The following COG4 variants were observed in gnomAD, a reference collection of about 807,000 sequenced individuals.
COG4 encodes the protein component of oligomeric golgi complex 4.
A neutral mutation model predicts 95.1 loss-of-function variants in COG4; 65 were observed. The observed-to-expected ratio is 0.68, with a 90% CI of 0.56 to 0.84. COG4 has a LOEUF of 0.84. Among genes scored for constraint, COG4 ranks in the 40% least tolerant of loss-of-function variants. The probability of loss-of-function intolerance (pLI) is 0.00; values close to 1 mark genes in which losing one functional copy is unlikely to be tolerated. For synonymous variants in COG4, 421 were observed against 374.8 expected (o/e 1.12, Z -1.42); for missense variants, 1,045 against 989.1 (o/e 1.06, Z -0.76).
rs746254288 is a variant in COG4 at position 70,496,365 on chromosome 16, C to G, written c.1548G>C (p.Gly516=). Residue 516 remains glycine (G), a synonymous_variant, in exon 12 of 19, where the codon GGG becomes GGC. Coordinates refer to ENST00000323786, the MANE Select transcript of COG4 (RefSeq NM_015386.3). ...GCATGATGTTCACGGCACTTGTCACCCCGCGCTGGATGTCCTGGAAGGTGG... is the reference window on the plus strand; with the variant it reads ...GCATGATGTTCACGGCACTTGTCACGCCGCGCTGGATGTCCTGGAAGGTGG... The part of the protein sequence containing the change: ...PATTFQDIQR[G]VTSAVNIMHS... 3.7e-6 allele frequency: 6 copies of G among 1,614,176 alleles called. No individual in the cohort carries two copies. The highest frequency in any genetic ancestry group is 3.3e-5 in the South Asian group (3 of 91,078).
At chr16:70,522,111 C>G (rs1263756440) in intron 1 of COG4, among the ~76,000 whole-genome samples, 1 of 151,710 alleles carries the variant, frequency 6.6e-6, no homozygotes, top group Non-Finnish European at 1.5e-5. Context: ...AATTCTCCTG[C>G]CTCAGCCTCC....
chr16:70,521,725 A>T (rs1418576832), intron 1 of COG4, among the ~76,000 whole-genome samples: 1 of 143,644 alleles, frequency 7.0e-6, no homozygotes, highest in East Asian at 2.0e-4. Context: ...TTTTTGAGAC[A>T]GAGTCTCACT....
chr16:70,490,817 G>A (rs948629392), intron 12 of COG4, among the ~76,000 whole-genome samples: 28 of 152,078 alleles, frequency 1.8e-4, no homozygotes, highest in African/African-American at 6.3e-4. Context: ...CCGCCACTAC[G>A]CCAGGCTAAT....
intron 9 of COG4, among the ~76,000 whole-genome samples, chr16:70,500,651 G>A (rs757522247): frequency 6.6e-6 from 1 of 152,014 alleles, no homozygotes; most frequent in South Asian, 2.1e-4. Context: ...GTGAGCCACC[G>A]TACCTGGCCT....
chr16:70,519,838 T>G (rs1049939850), intron 1 of COG4, 107 bp from the exon 2 acceptor site: 2 of 834,338 alleles, frequency 2.4e-6, no homozygotes, highest in Non-Finnish European at 4.0e-6. Context: ...CAAGTCCTTT[T>G]TTCCTTCCAC....
At chr16:70,482,870 C>T (rs1020411413) in intron 14 of COG4, 49 bp from the exon 15 acceptor site, 5 of 1,402,086 alleles carry the variant, frequency 3.6e-6, no homozygotes, top group Non-Finnish European at 4.0e-6. Flanking sequence ...CACGACTCAT[C>T]CCTTCCCTCT....
chr16:70,504,942 G>A (rs952091500), intron 8 of COG4, among the ~76,000 whole-genome samples: 1 of 151,108 alleles, frequency 6.6e-6, no homozygotes, highest in Non-Finnish European at 1.5e-5. Context: ...TCAAAATGCC[G>A]TTAGTGCAGA....
chr16:70,523,313 G>T (rs1243445526), intron 1 of COG4, 60 bp downstream of exon 1: 6 of 1,596,904 alleles, frequency 3.8e-6, no homozygotes, highest in South Asian at 3.3e-5. Context: ...CGGATTTCCC[G>T]ACTGAAGGCT....
Position 70,512,296 on chromosome 16 carries a change from T to C in COG4, c.681A>G (p.Pro227=), listed in dbSNP as rs1304800296. The C allele has an allele frequency of 2.5e-6, 4 of 1,614,076 alleles. No homozygotes were observed. The highest frequency in any genetic ancestry group is 4.5e-5 in the East Asian group (2 of 44,872). ...PQVERFFKIF[P]LLGLHEEGLR... is the part of the protein sequence containing the mutation. Reference sequence around the variant, plus strand: ...ATCCCTCCTCATGCAAACCCAGCAGTGGGAAGATCTTGAAGAAGCGCTCCA... The same window carrying C: ...ATCCCTCCTCATGCAAACCCAGCAGCGGGAAGATCTTGAAGAAGCGCTCCA... The change falls in exon 5 of 19, where the codon CCA becomes CCG. Residue 227 remains proline, a synonymous_variant. Transcript: ENST00000323786.
chr16:70,490,948 T>C (rs2049231877), intron 12 of COG4, among the ~76,000 whole-genome samples: 1 of 151,756 alleles, frequency 6.6e-6, no homozygotes, highest in Non-Finnish European at 1.5e-5. Flanking sequence ...CGTGAGCCAC[T>C]GCGCCCGGCG....
chr16:70,493,259 C>G (rs1387059659), intron 12 of COG4, among the ~76,000 whole-genome samples: 1 of 152,030 alleles, frequency 6.6e-6, no homozygotes, highest in Admixed American at 6.6e-5. Context: ...ATGGATCTAG[C>G]CTGTTTTCTT....
At position 70,523,518 on chromosome 16, in the gene COG4, T is replaced by A; in HGVS notation, c.26A>T (p.Asp9Val). The change falls in exon 1 of 19, where the codon GAT (aspartate) becomes GTT (valine). Residue 9 changes from aspartate (D) to valine (V), a missense_variant. Transcript: ENST00000323786. Reference sequence around the variant, plus strand: ...CACCCCTGACAGCTTCGGAGGCGAATCAAGGTCCGCCATCTTGGTCCCCAT... The same window carrying A: ...CACCCCTGACAGCTTCGGAGGCGAAACAAGGTCCGCCATCTTGGTCCCCAT... The part of the protein sequence containing the change: MGTKMADL[D>V]SPPKLSGVQQ... 1 of 1,613,960 alleles carries A rather than the reference T, an allele frequency of 6.2e-7. No individual in the cohort carries two copies. Among genetic ancestry groups the A allele is most frequent in the South Asian group, 1.1e-5 (1 of 91,088 alleles).
chr16:70,496,366 C>T lies in COG4; in HGVS notation c.1547G>A (p.Gly516Glu), dbSNP rs2049339426. The change falls in exon 12 of 19, where the codon GGG (glycine) becomes GAG (glutamate). Residue 516 changes from glycine (G) to glutamate (E), a missense_variant. Coordinates refer to ENST00000323786, the MANE Select transcript of COG4 (RefSeq NM_015386.3). Reference protein sequence around the residue: ...PATTFQDIQRGVTSAVNIMHS... With the variant: ...PATTFQDIQREVTSAVNIMHS... The stretch of plus-strand genomic sequence containing the variant: ...CATGATGTTCACGGCACTTGTCACC[C>T]CGCGCTGGATGTCCTGGAAGGTGGT... The T allele has an allele frequency of 1.2e-6, 2 of 1,614,064 alleles. No homozygotes were observed. The highest frequency in any genetic ancestry group is 1.3e-5 in the African/African-American group (1 of 74,920).
rs890460305 is a variant in COG4, at chr16:70,508,391, G to C, written c.1061+15C>G. 6.2e-7 allele frequency: 1 copy of C among 1,610,024 alleles called. No individual in the cohort carries two copies. The highest frequency in any genetic ancestry group is 8.5e-7 in the Non-Finnish European group (1 of 1,176,440). On this transcript the variant is annotated intron_variant, in intron 8 of 18. Coordinates refer to ENST00000323786, the MANE Select transcript of COG4 (RefSeq NM_015386.3). The stretch of plus-strand genomic sequence containing the variant: ...TCAAACTCCTGTGGGCTGAAGAAGA[G>C]AGAAGGATTATTACCTTGGTTCGAT...
chr16:70,510,976 G>A (rs1044953560), intron 5 of COG4, among the ~76,000 whole-genome samples: 15 of 151,928 alleles, frequency 9.9e-5, no homozygotes, highest in Non-Finnish European at 2.2e-4. Context: ...TGTTGGCCAG[G>A]CTGGTCCTGA....
In COG4 at chr16:70,493,652, G is replaced by A. The variant is rs572821690; in HGVS notation, c.1647+2614C>T. ...GAGTCAGTTCACAGACACGTGCAGG[G>A]AAGTGGCAGGAGGTAGAGCTGCGAG... is the stretch of plus-strand genomic sequence containing the variant. On this transcript the variant is annotated intron_variant, in intron 12 of 18. Transcript: ENST00000323786. 5.3e-5 allele frequency among the ~76,000 whole-genome samples: 8 copies of A among 152,336 alleles called. No individual in the cohort carries two copies. The East Asian group carries it at 1.2e-3, about 22-fold the overall frequency.
intron 1 of COG4, among the ~76,000 whole-genome samples, chr16:70,522,412 C>G (rs1265682252): frequency 6.6e-6 from 1 of 152,194 alleles, no homozygotes; most frequent in Admixed American, 6.5e-5. Context: ...TGCAGCACAA[C>G]AGCACTCCAG....
In COG4 at chr16:70,490,224, C is replaced by G. The variant is rs2049216257; in HGVS notation, c.1710+106G>C. 6.4e-6 allele frequency: 6 copies of G among 941,574 alleles called. No individual in the cohort carries two copies. In the South Asian group the frequency reaches 7.8e-5, roughly 12 times the overall value. 58.3% of individuals were successfully genotyped at this position (941,574 alleles called of 1,614,324 possible). A position where few individuals can be genotyped will look rare whatever the true frequency, so the allele number is the denominator to read the frequency against. ...CACCAAAGAATCCCCTCAAGTGTGG[C>G]TCAATGTCACCAAGATAAGTGTCTT... On this transcript the variant is annotated intron_variant, in intron 13 of 18. Coordinates refer to ENST00000323786, the MANE Select transcript of COG4 (RefSeq NM_015386.3).
At chr16:70,521,999 CT>C (rs772349524) in intron 1 of COG4, among the ~76,000 whole-genome samples, 509 of 137,744 alleles carry the variant, frequency 3.7e-3, no homozygotes, top group Middle Eastern at 3.7e-3. Flanking sequence ...CCGCGCCAGG[CT>C]TTTTTTTTTT....
Sources: gnomAD v4.1 joint callset for allele counts (sites outside exome capture counted in the v4.1 genomes callset) on GRCh38, gnomAD v4.1.1 for gene constraint, MANE v1.5 for transcripts, NCBI Gene and HGNC (gene_info 2026-07-23, HGNC 2026-07-21) for gene names.